Variants in UTRN observed in about 807,000 individuals in gnomAD.
UTRN encodes utrophin.
UTRN carries 283 observed loss-of-function variants against 463.9 expected under a neutral mutation model. The ratio of observed to expected loss-of-function variants is 0.61; its 90% CI spans 0.55 to 0.67. The LOEUF (loss-of-function observed/expected upper bound fraction) is 0.67. Among genes scored for constraint, UTRN ranks in the 30% least tolerant of loss-of-function variants. The probability of loss-of-function intolerance (pLI) is 0.00; values close to 1 mark genes in which losing one functional copy is unlikely to be tolerated. For missense variants in UTRN, 3,922 were observed against 4,084.3 expected (o/e 0.96, Z 1.08); for synonymous variants, 1,442 against 1,431.5 (o/e 1.01, Z -0.17).
chr6:144,835,286 C>G (rs923814326), intron 69 of UTRN, among the ~76,000 whole-genome samples: 4 of 152,150 alleles, frequency 2.6e-5, no homozygotes, highest in African/African-American at 9.7e-5. Context: ...TTATAAATAT[C>G]TACAATTATA....
intron 50 of UTRN, among the ~76,000 whole-genome samples, chr6:144,564,268 A>G (rs550997384): frequency 1.1e-3 from 169 of 152,328 alleles, no homozygotes; most frequent in Non-Finnish European, 1.3e-3. Flanking sequence ...AACTGAGGCA[A>G]ATTTAGAAAG....
At chr6:144,680,150 A>C (rs1782060743) in intron 52 of UTRN, among the ~76,000 whole-genome samples, 1 of 152,230 alleles carries the variant, frequency 6.6e-6, no homozygotes, top group African/African-American at 2.4e-5. Context: ...TAAGAATTCC[A>C]GAGCTGGCCC....
intron 3 of UTRN, among the ~76,000 whole-genome samples, chr6:144,404,295 A>G (rs923556577): frequency 1.3e-5 from 2 of 152,216 alleles, no homozygotes; most frequent in Admixed American, 1.3e-4. Context: ...TGGCAGTTAT[A>G]TGTGTAGGAT....
At chr6:144,701,389 G>A (rs1784580287) in intron 53 of UTRN, among the ~76,000 whole-genome samples, 1 of 149,576 alleles carries the variant, frequency 6.7e-6, no homozygotes, top group Non-Finnish European at 1.5e-5. Context: ...TTACTTTTCT[G>A]AGCCAAGCCT....
intron 51 of UTRN, among the ~76,000 whole-genome samples, chr6:144,588,002 G>A (rs1458823009): frequency 2.0e-5 from 3 of 152,242 alleles, no homozygotes; most frequent in East Asian, 3.9e-4. Context: ...ATGTAGATGG[G>A]TTTGCCTCCA....
In UTRN at chr6:144,451,366, AC is replaced by A. The variant is rs773719248; in HGVS notation, c.2073-3del. On this transcript the variant is annotated splice_polypyrimidine_tract_variant and splice_region_variant and intron_variant, in intron 17 of 74. Coordinates refer to ENST00000367545, the MANE Select transcript of UTRN (RefSeq NM_007124.3). ...CAAATGGTCACCTCTGAATCTTCAA[AC>A]AGGTTTGATGCTATAAGTGCAGAGC... The A allele has an allele frequency of 5.0e-6, 8 of 1,608,624 alleles. No homozygotes were observed. In the African/African-American group the frequency reaches 1.1e-4, roughly 22 times the overall value.
intron 65 of UTRN, among the ~76,000 whole-genome samples, chr6:144,815,833 G>C (rs1426338288): frequency 6.6e-6 from 1 of 152,192 alleles, no homozygotes; most frequent in East Asian, 1.9e-4. Context: ...CCCAGGAACA[G>C]TACTTTGCAT....
rs1297111493 is a variant in UTRN, at chr6:144,479,723, A to G, written c.3337-89A>G. On this transcript the variant is annotated intron_variant, in intron 25 of 74. Transcript: ENST00000367545. ...AGCATGCAATTCGTTGTGGAAAGTT[A>G]TTACTGTGCCTTTAAATATTAAGAG... is the stretch of plus-strand genomic sequence containing the variant. 6.9e-6 allele frequency: 10 copies of G among 1,458,976 alleles called. No homozygotes were observed. In the East Asian group the frequency reaches 2.1e-4, roughly 30 times the overall value. 90.4% of individuals were successfully genotyped at this position (1,458,976 alleles called of 1,614,324 possible). A position where few individuals can be genotyped will look rare whatever the true frequency, so the allele number is the denominator to read the frequency against.
At chr6:144,529,470 T>C (rs1163261168) in intron 41 of UTRN, among the ~76,000 whole-genome samples, 1 of 152,124 alleles carries the variant, frequency 6.6e-6, no homozygotes, top group Non-Finnish European at 1.5e-5. Context: ...TATCCACCAT[T>C]TTTTTTTCTC....
At chr6:144,492,380 C>T (rs529517403) in intron 32 of UTRN, among the ~76,000 whole-genome samples, 13 of 152,222 alleles carry the variant, frequency 8.5e-5, no homozygotes, top group African/African-American at 2.9e-4. Flanking sequence ...TGTAGTGTTC[C>T]GTGGTGTATT....
At chr6:144,773,271 T>C (rs1794285512) in intron 59 of UTRN, among the ~76,000 whole-genome samples, 1 of 152,086 alleles carries the variant, frequency 6.6e-6, no homozygotes, top group Non-Finnish European at 1.5e-5. Context: ...ATGAGCTCCA[T>C]GAATAGTGAA....
rs565128366 is a variant in UTRN at position 144,676,584 on chromosome 6, G to A, written c.7480-1822G>A. Among the ~76,000 whole-genome samples, 4 of 150,688 alleles carry A rather than the reference G, an allele frequency of 2.7e-5. No homozygotes were observed. In the East Asian group the frequency reaches 7.8e-4, roughly 30 times the overall value. On this transcript the variant is annotated intron_variant, in intron 51 of 74. Transcript: ENST00000367545. ...ATACATATGCAAAATGTGCAGGTTTGTTACATAGGTATACATGTGCCATGT... is the reference window on the plus strand; with the variant it reads ...ATACATATGCAAAATGTGCAGGTTTATTACATAGGTATACATGTGCCATGT...
At chr6:144,587,888 C>T (rs1192712630) in intron 51 of UTRN, among the ~76,000 whole-genome samples, 4 of 152,112 alleles carry the variant, frequency 2.6e-5, no homozygotes, top group African/African-American at 7.2e-5. Context: ...TTAGAATTCC[C>T]ACTTGATCAT....
intron 54 of UTRN, among the ~76,000 whole-genome samples, chr6:144,742,243 A>G (rs1038919626): frequency 3.9e-5 from 6 of 152,194 alleles, no homozygotes; most frequent in African/African-American, 1.4e-4. Flanking sequence ...AATTTATTAA[A>G]TGGACATAAT....
chr6:144,523,357 T>C (rs1055089386), intron 41 of UTRN, among the ~76,000 whole-genome samples, 169 bp downstream of exon 41: 2 of 152,306 alleles, frequency 1.3e-5, no homozygotes, highest in East Asian at 3.9e-4. Flanking sequence ...TCACCCAGGC[T>C]GGGGTGCAGT....
intron 2 of UTRN, among the ~76,000 whole-genome samples, chr6:144,353,950 G>A (rs1454562651): frequency 1.3e-5 from 2 of 152,204 alleles, no homozygotes; most frequent in South Asian, 2.1e-4. Context: ...GCTGGGTGCT[G>A]CGGTCGTTGT....
chr6:144,433,240 C>G (rs1287173878), intron 9 of UTRN, among the ~76,000 whole-genome samples: 9 of 151,976 alleles, frequency 5.9e-5, no homozygotes, highest in African/African-American at 2.2e-4. Flanking sequence ...CAGAGGGGCT[C>G]CTCACTTCCC....
intron 2 of UTRN, among the ~76,000 whole-genome samples, chr6:144,328,287 G>C (rs1391412092): frequency 6.6e-6 from 1 of 152,042 alleles, no homozygotes; most frequent in Non-Finnish European, 1.5e-5. Context: ...TAATTCAAAG[G>C]GTTGGTTAGA....
chr6:144,574,482 A>G (rs1801244350), intron 50 of UTRN, among the ~76,000 whole-genome samples: 1 of 152,192 alleles, frequency 6.6e-6, no homozygotes, highest in African/African-American at 2.4e-5. Flanking sequence ...ATGTAATACC[A>G]GTTGGTATTT....
Sources: gnomAD v4.1 joint callset for allele counts (sites outside exome capture counted in the v4.1 genomes callset) on GRCh38, gnomAD v4.1.1 for gene constraint, MANE v1.5 for transcripts, NCBI Gene and HGNC (gene_info 2026-07-23, HGNC 2026-07-21) for gene names.